INPP4B: variants seen among roughly 807,000 people sequenced by gnomAD.
INPP4B encodes the protein inositol polyphosphate-4-phosphatase type II B, also known as inositol polyphosphate 4-phosphatase type II.
INPP4B carries 55 observed loss-of-function variants against 122.5 expected under a neutral mutation model. The observed-to-expected ratio is 0.45, with a 90% CI of 0.36 to 0.56. INPP4B has a LOEUF of 0.56. Among genes scored for constraint, INPP4B ranks in the 20% least tolerant of loss-of-function variants. The probability of loss-of-function intolerance (pLI) is 0.00; values close to 1 mark genes in which losing one functional copy is unlikely to be tolerated. For synonymous variants in INPP4B, 403 were observed against 388.7 expected (o/e 1.04, Z -0.43); for missense variants, 1,000 against 1,097.7 (o/e 0.91, Z 1.26).
At chr4:142,598,980 C>A (rs1228505513) in intron 2 of INPP4B, among the ~76,000 whole-genome samples, 1 of 152,202 alleles carries the variant, frequency 6.6e-6, no homozygotes, top group African/African-American at 2.4e-5. Context: ...AAGGTGGGAT[C>A]CATCCCCTAC....
At chr4:142,751,515 T>G (rs1365252346) in intron 1 of INPP4B, among the ~76,000 whole-genome samples, 1 of 152,088 alleles carries the variant, frequency 6.6e-6, no homozygotes, top group Non-Finnish European at 1.5e-5. Flanking sequence ...CAAAAAGCTA[T>G]GTAATATGCA....
At chr4:142,365,306 C>T (rs1482613306) in intron 7 of INPP4B, among the ~76,000 whole-genome samples, 1 of 152,014 alleles carries the variant, frequency 6.6e-6, no homozygotes, top group Non-Finnish European at 1.5e-5. Flanking sequence ...TAAGCCTTCT[C>T]AATAATCTAG....
intron 2 of INPP4B, among the ~76,000 whole-genome samples, chr4:142,627,919 A>T (rs1366805533): frequency 6.6e-6 from 1 of 151,830 alleles, no homozygotes; most frequent in Non-Finnish European, 1.5e-5. Context: ...GATTATTGCC[A>T]CAATTTCAGA....
At chr4:142,553,508 G>A (rs1377260457) in intron 2 of INPP4B, among the ~76,000 whole-genome samples, 2 of 152,170 alleles carry the variant, frequency 1.3e-5, no homozygotes, top group South Asian at 4.1e-4. Context: ...CAAAGGGCTA[G>A]AGAATTGTTG....
At chr4:142,352,731 C>A (rs1210496416) in intron 7 of INPP4B, among the ~76,000 whole-genome samples, 1 of 151,892 alleles carries the variant, frequency 6.6e-6, no homozygotes, top group Admixed American at 6.6e-5. Flanking sequence ...AGTGTAAACA[C>A]TCATTCTTAT....
At chr4:142,787,265 G>C (rs1775891448) in intron 1 of INPP4B, among the ~76,000 whole-genome samples, 1 of 152,110 alleles carries the variant, frequency 6.6e-6, no homozygotes, top group African/African-American at 2.4e-5. Flanking sequence ...GTGCTGGGAG[G>C]TGAGGCCTAG....
intron 2 of INPP4B, among the ~76,000 whole-genome samples, chr4:142,524,047 C>T (rs1826481798): frequency 6.6e-6 from 1 of 150,682 alleles, no homozygotes; most frequent in South Asian, 2.1e-4. Context: ...TTTCTTAATC[C>T]AGTCTATCAT....
At chr4:142,376,498 T>C (rs1301908552) in intron 7 of INPP4B, among the ~76,000 whole-genome samples, 2 of 152,046 alleles carry the variant, frequency 1.3e-5, no homozygotes, top group African/African-American at 4.8e-5. Context: ...CATTTTGGCA[T>C]GTGTTTTCAG....
Position 142,050,042 on chromosome 4 carries a change from A to G in INPP4B, c.2643-21128T>C, listed in dbSNP as rs546616406. Among the ~76,000 whole-genome samples the G allele has an allele frequency of 5.3e-4, 81 of 152,140 alleles. 1 individual carries two copies. Among genetic ancestry groups the G allele is most frequent in the African/African-American group, 1.9e-3 (78 of 41,538 alleles). On this transcript the variant is annotated intron_variant, in intron 25 of 25. Transcript: ENST00000262992. ...GTAAAATACCATTGATGATGTTGGA[A>G]GCTGATTTTATGACTTTTCATCAGG...
intron 2 of INPP4B, among the ~76,000 whole-genome samples, chr4:142,664,735 A>G (rs542553848): frequency 6.6e-6 from 1 of 152,334 alleles, no homozygotes; most frequent in South Asian, 2.1e-4. Flanking sequence ...AGAGCACAGA[A>G]ATTTACAAAA....
intron 7 of INPP4B, among the ~76,000 whole-genome samples, chr4:142,380,400 G>A (rs1412243357): frequency 6.6e-6 from 1 of 151,998 alleles, no homozygotes; most frequent in African/African-American, 2.4e-5. Flanking sequence ...CTTATCCCTA[G>A]GCACTGACAG....
intron 1 of INPP4B, among the ~76,000 whole-genome samples, chr4:142,736,422 A>C (rs179508): frequency 0.44 from 67,026 of 151,846 alleles, 16,412 homozygotes; most frequent in African/African-American, 0.66. Context: ...TTTAATTTTC[A>C]TGAGTTAATT....
chr4:142,444,364 T>C (rs1341750506), intron 3 of INPP4B, among the ~76,000 whole-genome samples: 1 of 152,092 alleles, frequency 6.6e-6, no homozygotes, highest in African/African-American at 2.4e-5. Flanking sequence ...GAACAGAGAC[T>C]TCTCAAAATA....
intron 1 of INPP4B, among the ~76,000 whole-genome samples, chr4:142,781,789 C>A (rs1340457163): frequency 1.3e-5 from 2 of 151,928 alleles, no homozygotes; most frequent in Non-Finnish European, 2.9e-5. Flanking sequence ...GAATATAATA[C>A]TAAAATAAAA....
At chr4:142,123,752 G>C (rs1797545698) in intron 19 of INPP4B, among the ~76,000 whole-genome samples, 1 of 152,032 alleles carries the variant, frequency 6.6e-6, no homozygotes, top group Non-Finnish European at 1.5e-5. Context: ...ATGTAAAATA[G>C]AGATGATAAT....
intron 21 of INPP4B, among the ~76,000 whole-genome samples, chr4:142,117,796 AATC>A (rs1247698054): frequency 6.6e-6 from 1 of 151,452 alleles, no homozygotes; most frequent in African/African-American, 2.5e-5. Flanking sequence ...TGGCTAGGGC[AATC>A]AGGCAGGAGA....
chr4:142,588,492 G>A (rs1271619310), intron 2 of INPP4B, among the ~76,000 whole-genome samples: 1 of 151,302 alleles, frequency 6.6e-6, no homozygotes, highest in Non-Finnish European at 1.5e-5. Context: ...ATATACAAAA[G>A]TCAATTTCTT....
intron 9 of INPP4B, chr4:142,287,477 C>T (rs1561751544): frequency 6.6e-6 from 1 of 152,176 alleles, no homozygotes; most frequent in Non-Finnish European, 1.5e-5. Context: ...CAAACTGTCA[C>T]CCTGAGTTTG....
At chr4:142,560,472 A>G (rs1246363962) in intron 2 of INPP4B, 1 of 152,266 alleles carries the variant, frequency 6.6e-6, no homozygotes, top group Non-Finnish European at 1.5e-5. Flanking sequence ...CACAAGGTGA[A>G]GTTCCACAAT....
Sources: gnomAD v4.1 joint callset for allele counts (sites outside exome capture counted in the v4.1 genomes callset) on GRCh38, gnomAD v4.1.1 for gene constraint, MANE v1.5 for transcripts, NCBI Gene and HGNC (gene_info 2026-07-23, HGNC 2026-07-21) for gene names.